FOXP1: variants seen among roughly 807,000 people sequenced by gnomAD.
FOXP1 encodes forkhead box P1, also known as forkhead box protein P1.
Under a neutral mutation model 98.2 loss-of-function variants are expected in FOXP1, and 15 were observed. That is an observed-to-expected ratio of 0.15 (90% CI 0.10 to 0.24). The LOEUF is 0.24. Among genes scored for constraint, FOXP1 ranks in the 10% least tolerant of loss-of-function variants. The pLI, the probability that FOXP1 is intolerant of heterozygous loss-of-function variation, is 1.00. For missense variants in FOXP1, 633 were observed against 848.5 expected (o/e 0.75, Z 3.15); for synonymous variants, 371 against 314.5 (o/e 1.18, Z -1.90).
chr3:71,494,541 A>G (rs527972431), intron 2 of FOXP1, among the ~76,000 whole-genome samples: 11 of 152,296 alleles, frequency 7.2e-5, no homozygotes, highest in African/African-American at 2.6e-4. Context: ...GGCGGCTGGC[A>G]GCATCCCCTG....
chr3:70,966,241 G>A, intron 19 of FOXP1, 185 bp from the exon 20 acceptor site: 1 of 640,822 alleles, frequency 1.6e-6, no homozygotes, highest in South Asian at 1.7e-5. Flanking sequence ...TCCCAAGCTT[G>A]GTTTTGAAGA....
intron 3 of FOXP1, among the ~76,000 whole-genome samples, chr3:71,388,059 T>C (rs926366000): frequency 2.6e-5 from 4 of 152,250 alleles, no homozygotes; most frequent in African/African-American, 2.4e-5. Flanking sequence ...TGCTGTAATA[T>C]AGCCAATGCA....
intron 5 of FOXP1, among the ~76,000 whole-genome samples, chr3:71,236,017 C>T (rs1454592166): frequency 6.6e-6 from 1 of 152,104 alleles, no homozygotes; most frequent in East Asian, 1.9e-4. Context: ...GCTCCAGGAC[C>T]GCATGTAACA....
chr3:71,339,481 G>C (rs1312894606), intron 4 of FOXP1, among the ~76,000 whole-genome samples: 1 of 152,212 alleles, frequency 6.6e-6, no homozygotes, highest in Admixed American at 6.5e-5. Flanking sequence ...TCCTCTCCTT[G>C]TTGTAACTCT....
intron 3 of FOXP1, among the ~76,000 whole-genome samples, chr3:71,468,830 AAGG>A (rs1305079038): frequency 6.6e-6 from 1 of 152,214 alleles, no homozygotes. Flanking sequence ...ATCAGTGTGA[AAGG>A]AGAAGCACCA....
Position 71,193,201 on chromosome 3 carries a change from G to T in FOXP1, c.180+5001C>A, listed in dbSNP as rs1422357655. Among the ~76,000 whole-genome samples the T allele has an allele frequency of 9.1e-5, 13 of 142,760 alleles. 1 individual carries two copies. The highest frequency in any genetic ancestry group is 3.1e-4 in the African/African-American group (11 of 35,506). The allele number at this position is 142,760 out of a possible 152,430, so 93.7% of individuals were successfully genotyped here. ...CTTGCTCTGTTGCCCAGGCTGGAGT[G>T]CAGTGGTGGGATCTCGGCTCACTGC... On this transcript the variant is annotated intron_variant, in intron 6 of 20. Coordinates refer to ENST00000649528, the MANE Select transcript of FOXP1 (RefSeq NM_001349338.3).
At chr3:71,432,648 C>T (rs1560477699) in intron 3 of FOXP1, among the ~76,000 whole-genome samples, 2 of 152,034 alleles carry the variant, frequency 1.3e-5, no homozygotes, top group Admixed American at 6.6e-5. Flanking sequence ...GCCTGCAGCA[C>T]CAGAATCCTG....
At chr3:71,031,452 A>G (rs2046854880) in intron 11 of FOXP1, among the ~76,000 whole-genome samples, 1 of 152,200 alleles carries the variant, frequency 6.6e-6, no homozygotes, top group Non-Finnish European at 1.5e-5. Context: ...AGCCTTGGGT[A>G]TATAAATGGA....
At chr3:71,094,351 C>G (rs1164857340) in intron 7 of FOXP1, among the ~76,000 whole-genome samples, 2 of 148,438 alleles carry the variant, frequency 1.3e-5, no homozygotes, top group Non-Finnish European at 3.0e-5. Context: ...GTGATCTCAG[C>G]TCACTGCAAG....
chr3:71,116,585 GA>G (rs2058389817), intron 6 of FOXP1, among the ~76,000 whole-genome samples: 1 of 152,210 alleles, frequency 6.6e-6, no homozygotes, highest in Non-Finnish European at 1.5e-5. Flanking sequence ...GCTTTATCAT[GA>G]GTATGTTAAC....
intron 6 of FOXP1, 147 bp from the exon 7 acceptor site, chr3:71,112,784 C>A (rs1033457859): frequency 2.4e-5 from 16 of 672,544 alleles, no homozygotes; most frequent in African/African-American, 2.0e-4. Flanking sequence ...AACTTCCCAC[C>A]AGTCTTAGTT....
chr3:71,472,441 CT>C (rs57952274), intron 3 of FOXP1, among the ~76,000 whole-genome samples: 44,929 of 148,366 alleles, frequency 0.3, 7,039 homozygotes, highest in Non-Finnish European at 0.35. Flanking sequence ...CATACTTTTC[CT>C]TTTTTTTTTT....
chr3:71,313,997 CA>C (rs2074895046), intron 4 of FOXP1, among the ~76,000 whole-genome samples: 1 of 152,096 alleles, frequency 6.6e-6, no homozygotes, highest in Non-Finnish European at 1.5e-5. Context: ...TGAGCTTAGG[CA>C]AATTGCCTAA....
chr3:71,369,706 A>C (rs879423444), intron 3 of FOXP1, among the ~76,000 whole-genome samples: 1 of 152,154 alleles, frequency 6.6e-6, no homozygotes, highest in African/African-American at 2.4e-5. Flanking sequence ...ACCATGTCTT[A>C]ATATCCGGTG....
rs909629850 is a variant in FOXP1 at position 71,053,905 on chromosome 3, A to T, written c.283-132T>A. ...TCCCATGCAACATGTATTTATCCAG[A>T]GGGGATGCAGCAACAGATCCTATTT... On this transcript the variant is annotated intron_variant, in intron 7 of 20. Transcript: ENST00000649528. 6.7e-6 allele frequency: 6 copies of T among 901,190 alleles called. No individual in the cohort carries two copies. In the African/African-American group the frequency reaches 9.9e-5, roughly 15 times the overall value. The allele number at this position is 901,190 out of a possible 1,614,324, so 55.8% of individuals were successfully genotyped here. A position where few individuals can be genotyped will look rare whatever the true frequency, so the allele number is the denominator to read the frequency against.
chr3:71,175,168 TC>T (rs758938885), intron 6 of FOXP1, among the ~76,000 whole-genome samples: 1 of 152,184 alleles, frequency 6.6e-6, no homozygotes, highest in Non-Finnish European at 1.5e-5. Flanking sequence ...CGCCTTGGCC[TC>T]CCAAAGTGCT....
chr3:71,418,935 C>CAAAAAAA (rs34398058), intron 3 of FOXP1, among the ~76,000 whole-genome samples: 1 of 108,692 alleles, frequency 9.2e-6, no homozygotes, highest in African/African-American at 3.6e-5. Flanking sequence ...AGACCGGTCT[C>CAAAAAAA]AAAAAAAAAA....
chr3:71,424,492 T>G (rs13076017), intron 3 of FOXP1, among the ~76,000 whole-genome samples: 21,371 of 152,114 alleles, frequency 0.14, 1,804 homozygotes, highest in South Asian at 0.23. Flanking sequence ...GACTCTAAAT[T>G]TGTGATATTT....
intron 3 of FOXP1, among the ~76,000 whole-genome samples, chr3:71,408,557 T>C (rs2082507221): frequency 6.6e-6 from 1 of 152,190 alleles, no homozygotes; most frequent in Non-Finnish European, 1.5e-5. Context: ...CAATTTGCAA[T>C]GGTACAGCCA....
Sources: allele counts gnomAD v4.1 joint callset (sites outside exome capture counted in the v4.1 genomes callset), GRCh38; gene constraint gnomAD v4.1.1; transcripts MANE v1.5; gene names NCBI Gene and HGNC (gene_info 2026-07-23, HGNC 2026-07-21).